Variants in FOXJ3 observed in about 807,000 individuals in gnomAD.
The protein encoded by FOXJ3 is forkhead box protein J3.
Under a neutral mutation model 76.1 loss-of-function variants are expected in FOXJ3, and 22 were observed. That is an observed-to-expected ratio of 0.29 (90% CI 0.21 to 0.41). The LOEUF (loss-of-function observed/expected upper bound fraction) is 0.41. Among genes scored for constraint, FOXJ3 ranks in the 10% least tolerant of loss-of-function variants. The probability of loss-of-function intolerance (pLI) is 1.00; values close to 1 mark genes in which losing one functional copy is unlikely to be tolerated. For synonymous variants in FOXJ3, 269 were observed against 261.2 expected, an observed-to-expected ratio of 1.03 and a Z score of -0.29; for missense variants, 613 against 762.1, an observed-to-expected ratio of 0.80 and a Z score of 2.30.
intron 4 of FOXJ3, among the ~76,000 whole-genome samples, chr1:42,262,984 GAGGTGTTTTAAT>G (rs1651172159): frequency 1.3e-5 from 2 of 150,950 alleles, no homozygotes; most frequent in African/African-American, 5.0e-5. Context: ...CAATAAGAAT[GAGGTGTTTTAAT>G]ACATACAAAA....
rs1474383799 is a variant in FOXJ3, at chr1:42,194,942, G to A, written c.882C>T (p.Ala294=). 3 of 1,612,234 alleles carry A rather than the reference G, an allele frequency of 1.9e-6. No individual in the cohort carries two copies. The highest frequency in any genetic ancestry group is 2.5e-6 in the Non-Finnish European group (3 of 1,179,174). ...FSEYNFEDLS[A]SFRSLYKSVF... ...CTGACTTATAAAGGCTCCGAAATGA[G>A]GCACTAAGATCTTCAAAATTATATT... The change falls in exon 8 of 13, where the codon GCC becomes GCT. Residue 294 remains alanine, a synonymous_variant. Coordinates refer to ENST00000361346, the MANE Select transcript of FOXJ3 (RefSeq NM_014947.5).
At chr1:42,219,858 G>T (rs1320802415) in intron 5 of FOXJ3, among the ~76,000 whole-genome samples, 3 of 152,196 alleles carry the variant, frequency 2.0e-5, no homozygotes, top group Non-Finnish European at 4.4e-5. Flanking sequence ...GGTCGAGACT[G>T]CAGTGAGCCA....
At position 42,199,238 on chromosome 1, in the gene FOXJ3, G is replaced by GA; in HGVS notation, c.631-9dup. On this transcript the variant is annotated splice_polypyrimidine_tract_variant and intron_variant, in intron 6 of 12. Transcript: ENST00000361346. ...AGTGTTATACAATGTTACCTAAAAT[G>GA]AAAAAAGAAAAATGACAATTGAATA... is the stretch of plus-strand genomic sequence containing the variant. The GA allele has an allele frequency of 6.2e-7, 1 of 1,601,782 alleles. No homozygotes were observed. Among genetic ancestry groups the GA allele is most frequent in the Non-Finnish European group, 8.5e-7 (1 of 1,173,228 alleles).
intron 12 of FOXJ3, among the ~76,000 whole-genome samples, chr1:42,180,242 C>A (rs919616509): frequency 6.6e-6 from 1 of 152,178 alleles, no homozygotes. Context: ...GCACCAATGA[C>A]GTCATACTGA....
chr1:42,306,298 C>CTTTTTTTTTTTTTT lies in FOXJ3; in HGVS notation c.44+4738_44+4751dup, dbSNP rs9326121. Among the ~76,000 whole-genome samples, 124 of 81,672 alleles carry CTTTTTTTTTTTTTT rather than the reference C, an allele frequency of 1.5e-3. 1 individual carries two copies. Among genetic ancestry groups the CTTTTTTTTTTTTTT allele is most frequent in the African/African-American group, 3.6e-3 (81 of 22,316 alleles). 53.6% of individuals were successfully genotyped at this position (81,672 alleles called of 152,430 possible). A position where few individuals can be genotyped will look rare whatever the true frequency, so the allele number is the denominator to read the frequency against. ...CATCCATCACTCTCTGAACTTTTTT[C>CTTTTTTTTTTTTTT]TTTTTTTTTTTTTTTTTTTTTTTGG... On this transcript the variant is annotated intron_variant, in intron 2 of 12. Transcript: ENST00000361346.
At chr1:42,208,175 G>T (rs12024662) in intron 5 of FOXJ3, among the ~76,000 whole-genome samples, 1 of 152,290 alleles carries the variant, frequency 6.6e-6, no homozygotes, top group East Asian at 1.9e-4. Flanking sequence ...CATGTAAAGC[G>T]CTTAGCATGG....
chr1:42,188,681 T>A (rs115993725), intron 11 of FOXJ3, 56 bp downstream of exon 11: 2 of 1,243,340 alleles, frequency 1.6e-6, no homozygotes, highest in East Asian at 5.1e-5. Context: ...AGACAGTTAC[T>A]AAATTTCGTA....
At chr1:42,197,413 G>A (rs1035349845) in intron 7 of FOXJ3, among the ~76,000 whole-genome samples, 8 of 152,098 alleles carry the variant, frequency 5.3e-5, no homozygotes, top group African/African-American at 1.7e-4. Context: ...TTCTGTTAGA[G>A]TATTTTTATG....
At chr1:42,297,278 T>C (rs933895723) in intron 2 of FOXJ3, among the ~76,000 whole-genome samples, 8 of 152,356 alleles carry the variant, frequency 5.3e-5, no homozygotes, top group Admixed American at 2.6e-4. Flanking sequence ...TCTTGCCTAA[T>C]TGCTCTGGCT....
chr1:42,323,979 G>A lies in FOXJ3; in HGVS notation c.-18+11080C>T, dbSNP rs568890233. On this transcript the variant is annotated intron_variant, in intron 1 of 12. Transcript: ENST00000361346. ...TTTTAGCGATATATTTCACTGACCT[G>A]AATGATTAACTCTTAAAATTCTAGG... Among the ~76,000 whole-genome samples the A allele has an allele frequency of 1.5e-3, 220 of 148,800 alleles. 1 individual carries two copies. The highest frequency in any genetic ancestry group is 5.3e-3 in the African/African-American group (214 of 40,562).
chr1:42,243,770 A>G (rs1208417251), intron 4 of FOXJ3, among the ~76,000 whole-genome samples: 1 of 152,218 alleles, frequency 6.6e-6, no homozygotes, highest in Non-Finnish European at 1.5e-5. Flanking sequence ...GATACGTATA[A>G]CAAGTATCAA....
chr1:42,329,644 A>C (rs1243321649), intron 1 of FOXJ3, among the ~76,000 whole-genome samples: 1 of 152,252 alleles, frequency 6.6e-6, no homozygotes. Context: ...GTGACTAACA[A>C]AGCCAACAGT....
At chr1:42,206,225 T>C (rs1285703832) in intron 5 of FOXJ3, among the ~76,000 whole-genome samples, 1 of 152,240 alleles carries the variant, frequency 6.6e-6, no homozygotes, top group Non-Finnish European at 1.5e-5. Flanking sequence ...AGCCACAGAC[T>C]ACCTTTCTAG....
At chr1:42,275,419 A>G (rs968369998) in intron 3 of FOXJ3, among the ~76,000 whole-genome samples, 6 of 152,184 alleles carry the variant, frequency 3.9e-5, no homozygotes, top group Non-Finnish European at 7.3e-5. Flanking sequence ...GGGACGAAAG[A>G]AAGCAGTGGC....
intron 2 of FOXJ3, among the ~76,000 whole-genome samples, chr1:42,285,562 C>T (rs192593580): frequency 1.3e-5 from 2 of 152,110 alleles, no homozygotes; most frequent in Non-Finnish European, 2.9e-5. Context: ...CTAAAATACT[C>T]CCCAAGGCTT....
intron 2 of FOXJ3, among the ~76,000 whole-genome samples, chr1:42,279,649 A>G (rs1183100894): frequency 1.3e-5 from 2 of 152,162 alleles, no homozygotes; most frequent in Non-Finnish European, 2.9e-5. Context: ...ATATAGAAAC[A>G]AGGCTTGACA....
chr1:42,194,201 G>A (rs1331484162), intron 8 of FOXJ3, among the ~76,000 whole-genome samples: 1 of 152,192 alleles, frequency 6.6e-6, no homozygotes, highest in Non-Finnish European at 1.5e-5. Flanking sequence ...TTCAACAGTA[G>A]AGTTCCCAAC....
At chr1:42,286,058 T>C (rs1406171301) in intron 2 of FOXJ3, among the ~76,000 whole-genome samples, 1 of 152,148 alleles carries the variant, frequency 6.6e-6, no homozygotes, top group Non-Finnish European at 1.5e-5. Context: ...GTATTAGATA[T>C]AAGAAGAAAA....
At chr1:42,219,545 C>A (rs1452069590) in intron 5 of FOXJ3, among the ~76,000 whole-genome samples, 2 of 152,156 alleles carry the variant, frequency 1.3e-5, no homozygotes, top group African/African-American at 4.8e-5. Context: ...ACCCTCATGA[C>A]TTTATAACAT....
Sources: allele counts gnomAD v4.1 joint callset (sites outside exome capture counted in the v4.1 genomes callset), GRCh38; gene constraint gnomAD v4.1.1; transcripts MANE v1.5; gene names NCBI Gene and HGNC (gene_info 2026-07-23, HGNC 2026-07-21).